The following KDM1A variants were observed in gnomAD, a reference collection of about 807,000 sequenced individuals.
KDM1A encodes lysine-specific histone demethylase 1A.
In KDM1A, 49 loss-of-function variants were observed where a neutral mutation model predicts 109.4. That is an observed-to-expected ratio of 0.45 (90% CI 0.36 to 0.57). KDM1A has a LOEUF of 0.57. Among genes scored for constraint, KDM1A ranks in the 20% least tolerant of loss-of-function variants. The pLI is 0.00. For missense variants in KDM1A, 668 were observed against 1,116.6 expected (o/e 0.60, Z 5.73); for synonymous variants, 380 against 415.4 (o/e 0.91, Z 1.04).
At chr1:23,071,080 C>A in intron 12 of KDM1A, 145 bp from the exon 13 acceptor site, 1 of 631,254 alleles carries the variant, frequency 1.6e-6, no homozygotes, top group Non-Finnish European at 2.8e-6. Flanking sequence ...TAGGTTAGAA[C>A]AAGTACTTAA....
intron 2 of KDM1A, among the ~76,000 whole-genome samples, chr1:23,040,530 C>G (rs1390654104): frequency 6.6e-6 from 1 of 151,936 alleles, no homozygotes; most frequent in African/African-American, 2.4e-5. Context: ...ATTGTGGTGG[C>G]TCACGCTCAT....
intron 7 of KDM1A, 31 bp downstream of exon 7, chr1:23,056,069 G>C: frequency 7.8e-6 from 11 of 1,410,680 alleles, no homozygotes; most frequent in Non-Finnish European, 1.0e-5. Flanking sequence ...TTAGAGGCTT[G>C]ACCTATTGGA....
chr1:23,077,148 C>A, intron 15 of KDM1A, 80 bp from the exon 16 acceptor site: 1 of 1,340,476 alleles, frequency 7.5e-7, no homozygotes, highest in Non-Finnish European at 1.0e-6. Flanking sequence ...CTTGTGTTTT[C>A]ATTGTTGTTG....
At chr1:23,068,760 A>C in intron 11 of KDM1A, 79 bp downstream of exon 11, 1 of 1,284,732 alleles carries the variant, frequency 7.8e-7, no homozygotes, top group South Asian at 1.9e-5. Flanking sequence ...GTTTTTCTGC[A>C]AGTCTTGTTT....
At chr1:23,058,156 A>G (rs1002981022) in intron 8 of KDM1A, among the ~76,000 whole-genome samples, 9 of 152,152 alleles carry the variant, frequency 5.9e-5, no homozygotes, top group African/African-American at 2.2e-4. Context: ...CCTCCCTAAT[A>G]GCTTGGAGTA....
chr1:23,081,570 T>A lies in KDM1A; in HGVS notation c.2295T>A (p.Pro765=), dbSNP rs930063613. The A allele has an allele frequency of 6.2e-7, 1 of 1,613,946 alleles. No homozygotes were observed. The highest frequency in any genetic ancestry group is 8.5e-7 in the Non-Finnish European group (1 of 1,179,982). The change falls in exon 19 of 21, where the codon CCT becomes CCA. Residue 765 remains proline, a synonymous_variant. Transcript: ENST00000400181. ...GGATTTTTGGTAGCAGTGCAGTACC[T>A]CAGGTAAGTAGGTAGGTGGGGCAAG... The part of the protein sequence containing the change: ...LKGIFGSSAV[P]QPKETVVSRW...
intron 6 of KDM1A, among the ~76,000 whole-genome samples, chr1:23,055,596 A>G (rs1428020924): frequency 6.6e-6 from 1 of 152,220 alleles, no homozygotes; most frequent in Non-Finnish European, 1.5e-5. Context: ...GCTTATATGC[A>G]GAATGTGTCC....
chr1:23,027,648 G>A (rs1641849233), intron 1 of KDM1A, among the ~76,000 whole-genome samples: 1 of 150,958 alleles, frequency 6.6e-6, no homozygotes, highest in Admixed American at 6.6e-5. Context: ...TGGTCTAGAA[G>A]TGGGCTCAAA....
Position 23,081,952 on chromosome 1 carries a change from G to T in KDM1A, c.2299-268G>T, listed in dbSNP as rs1643630888. Reference sequence around the variant, plus strand: ...ATTCCTTTGAAGGGAAGGATATTGTGAATTTATAAAAGAGAATAAAGGCCA... The same window carrying T: ...ATTCCTTTGAAGGGAAGGATATTGTTAATTTATAAAAGAGAATAAAGGCCA... On this transcript the variant is annotated intron_variant, in intron 19 of 20. Coordinates refer to ENST00000400181, the MANE Select transcript of KDM1A (RefSeq NM_001009999.3). 2.0e-5 allele frequency: 9 copies of T among 442,124 alleles called. No individual in the cohort carries two copies. In the East Asian group the frequency reaches 3.3e-4, roughly 16 times the overall value. The allele number at this position is 442,124 out of a possible 1,614,324, so 27.4% of individuals were successfully genotyped here.
chr1:23,027,508 C>A (rs554264996), intron 1 of KDM1A, among the ~76,000 whole-genome samples: 114 of 145,670 alleles, frequency 7.8e-4, no homozygotes, highest in Non-Finnish European at 1.3e-3. Context: ...TTGACCCCCC[C>A]CCGCCCCCAC....
intron 1 of KDM1A, 138 bp downstream of exon 1, chr1:23,020,085 T>C: frequency 1.1e-6 from 1 of 942,708 alleles, no homozygotes; most frequent in Admixed American, 4.2e-5. Flanking sequence ...GCACGCCACG[T>C]CCCCTCTAGC....
intron 1 of KDM1A, among the ~76,000 whole-genome samples, chr1:23,023,073 T>C (rs753844261): frequency 8.5e-5 from 13 of 152,240 alleles, no homozygotes; most frequent in Admixed American, 4.6e-4. Flanking sequence ...CTAATGATGT[T>C]GGGCATCTTT....
In KDM1A at chr1:23,019,712, C is replaced by T. The variant is rs1193929672; in HGVS notation, c.116C>T (p.Ala39Val). ...GGSENGSEVA[A>V]QPAGLSGPAE... The stretch of plus-strand genomic sequence containing the variant: ...TCCGAGAACGGGTCTGAGGTGGCCG[C>T]GCAGCCCGCGGGCCTGTCGGGCCCA... Residue 39 changes from alanine (A) to valine (V), a missense_variant, in exon 1 of 21, where the codon GCG becomes GTG. By Grantham distance (64) the Ala-to-Val change is moderately conservative (BLOSUM62 0). Coordinates refer to ENST00000400181, the MANE Select transcript of KDM1A (RefSeq NM_001009999.3). 3 of 1,325,270 alleles carry T rather than the reference C, an allele frequency of 2.3e-6. No individual in the cohort carries two copies. Among genetic ancestry groups the T allele is most frequent in the Non-Finnish European group, 1.9e-6 (2 of 1,038,846 alleles). The allele number at this position is 1,325,270 out of a possible 1,614,324, so 82.1% of individuals were successfully genotyped here. A position where few individuals can be genotyped will look rare whatever the true frequency, so the allele number is the denominator to read the frequency against.
Position 23,079,168 on chromosome 1 carries a change from C to T in KDM1A, c.2046C>T (p.Asn682=), listed in dbSNP as rs1643548834. The T allele has an allele frequency of 6.2e-7, 1 of 1,613,894 alleles. No individual in the cohort carries two copies. Among genetic ancestry groups the T allele is most frequent in the Admixed American group, 1.7e-5 (1 of 59,978 alleles). Reference sequence around the variant, plus strand: ...CAGTCCAAAGGATGGGATTTGGCAACCTTAACAAGGTAGCTTGCCCTAGAC... The same window carrying T: ...CAGTCCAAAGGATGGGATTTGGCAATCTTAACAAGGTAGCTTGCCCTAGAC... ...TSAVQRMGFG[N]LNKVVLCFDR... is the part of the protein sequence containing the mutation. Residue 682 remains asparagine, a synonymous_variant, in exon 17 of 21, where the codon AAC becomes AAT. Coordinates refer to ENST00000400181, the MANE Select transcript of KDM1A (RefSeq NM_001009999.3). The surrounding 1 kb of genome is among the most constrained non-coding windows in gnomAD (Gnocchi z 5.6).
intron 9 of KDM1A, among the ~76,000 whole-genome samples, chr1:23,063,122 GCTTTA>G (rs982651369): frequency 2.8e-5 from 4 of 143,386 alleles, no homozygotes; most frequent in African/African-American, 1.0e-4. Context: ...TAACTCATGG[GCTTTA>G]CTTTTTTTTT....
intron 1 of KDM1A, among the ~76,000 whole-genome samples, chr1:23,021,575 GA>G (rs1641630536): frequency 6.6e-6 from 1 of 152,214 alleles, no homozygotes; most frequent in Admixed American, 6.5e-5. Flanking sequence ...GAGTTAGGGA[GA>G]ATTGCTTGAA....
At chr1:23,075,981 G>C (rs1643453136) in intron 15 of KDM1A, among the ~76,000 whole-genome samples, 1 of 152,170 alleles carries the variant, frequency 6.6e-6, no homozygotes, top group Non-Finnish European at 1.5e-5. Flanking sequence ...TTAATCTTTA[G>C]ATTATAATCT....
intron 8 of KDM1A, among the ~76,000 whole-genome samples, chr1:23,058,452 C>T (rs1347525629): frequency 5.9e-5 from 9 of 152,174 alleles, no homozygotes; most frequent in East Asian, 1.9e-4. Flanking sequence ...ATTACAAATA[C>T]GTTTCATGGC....
intron 9 of KDM1A, among the ~76,000 whole-genome samples, chr1:23,063,225 T>TG (rs1643062928): frequency 1.9e-5 from 1 of 51,518 alleles, no homozygotes; most frequent in African/African-American, 6.1e-5. Context: ...GGGGTGGGTG[T>TG]GTGTGGGTGT....
Sources: allele counts gnomAD v4.1 joint callset (sites outside exome capture counted in the v4.1 genomes callset), GRCh38; gene constraint gnomAD v4.1.1; non-coding constraint Gnocchi (gnomAD v3.1); transcripts MANE v1.5; gene names NCBI Gene and HGNC (gene_info 2026-07-23, HGNC 2026-07-21).